HSPA12A: variants seen among roughly 807,000 people sequenced by gnomAD.
The protein encoded by HSPA12A is heat shock 70 kDa protein 12A.
HSPA12A carries 28 observed loss-of-function variants against 69.2 expected under a neutral mutation model. The ratio of observed to expected loss-of-function variants is 0.40; its 90% CI spans 0.30 to 0.55. HSPA12A has a LOEUF of 0.55. Ranked by LOEUF, HSPA12A falls within the 20% of genes least tolerant of loss-of-function variation. The pLI, the probability that HSPA12A is intolerant of heterozygous loss-of-function variation, is 0.38. For synonymous variants in HSPA12A, 345 were observed against 370.5 expected (o/e 0.93, Z 0.79); for missense variants, 686 against 900.7 (o/e 0.76, Z 3.05).
At chr10:116,836,685 T>C (rs895520055) in intron 1 of HSPA12A, among the ~76,000 whole-genome samples, 35 of 152,096 alleles carry the variant, frequency 2.3e-4, no homozygotes, top group African/African-American at 8.2e-4. Context: ...AAATTTTTGG[T>C]GTGACTGGTG....
chr10:116,821,076 A>C (rs1417535358), intron 2 of HSPA12A, among the ~76,000 whole-genome samples: 1 of 152,028 alleles, frequency 6.6e-6, no homozygotes, highest in African/African-American at 2.4e-5. Flanking sequence ...CTCCACCTAC[A>C]TCATCATAAT....
chr10:116,770,783 C>T (rs932639049), intron 2 of HSPA12A, among the ~76,000 whole-genome samples: 11 of 152,346 alleles, frequency 7.2e-5, no homozygotes, highest in African/African-American at 2.4e-4. Flanking sequence ...ACAAGGGGCC[C>T]AGCCTCCCCT....
At chr10:116,798,706 T>G (rs1460634861) in intron 2 of HSPA12A, among the ~76,000 whole-genome samples, 2 of 152,176 alleles carry the variant, frequency 1.3e-5, no homozygotes, top group South Asian at 2.1e-4. Flanking sequence ...ATTCATTTGT[T>G]GAACTGAAAA....
intron 2 of HSPA12A, among the ~76,000 whole-genome samples, chr10:116,807,049 G>A (rs1424543253): frequency 6.6e-6 from 1 of 152,200 alleles, no homozygotes; most frequent in African/African-American, 2.4e-5. Flanking sequence ...CGTCAGCCAA[G>A]GAATGCCTGG....
intron 2 of HSPA12A, among the ~76,000 whole-genome samples, chr10:116,805,997 G>A (rs1420627911): frequency 6.6e-6 from 1 of 152,310 alleles, no homozygotes; most frequent in Non-Finnish European, 1.5e-5. Flanking sequence ...CAACGTGAGA[G>A]ATGCATACTG....
chr10:116,741,498 G>A (rs1316706942), intron 1 of HSPA12A, among the ~76,000 whole-genome samples: 3 of 152,186 alleles, frequency 2.0e-5, no homozygotes, highest in Non-Finnish European at 4.4e-5. Flanking sequence ...CTCTCGCCGA[G>A]GCCCTGCAGG....
At chr10:116,810,967 C>CA (rs1357547503) in intron 2 of HSPA12A, among the ~76,000 whole-genome samples, 4 of 151,982 alleles carry the variant, frequency 2.6e-5, no homozygotes, top group Non-Finnish European at 5.9e-5. Context: ...TTCTATAAAC[C>CA]AAAAAACAAC....
At chr10:116,806,465 C>T (rs1027471530) in intron 2 of HSPA12A, among the ~76,000 whole-genome samples, 3 of 152,162 alleles carry the variant, frequency 2.0e-5, no homozygotes, top group African/African-American at 7.2e-5. Flanking sequence ...CCTCGGCCTC[C>T]CAAAGTGCTG....
chr10:116,805,210 G>T (rs1161160861), intron 2 of HSPA12A, among the ~76,000 whole-genome samples: 1 of 152,084 alleles, frequency 6.6e-6, no homozygotes, highest in East Asian at 1.9e-4. Context: ...CAGCTACTTG[G>T]GAGGCTGAGG....
At chr10:116,818,011 C>T (rs1019204457) in intron 2 of HSPA12A, among the ~76,000 whole-genome samples, 1 of 152,188 alleles carries the variant, frequency 6.6e-6, no homozygotes, top group Non-Finnish European at 1.5e-5. Flanking sequence ...TCCAGGGTCT[C>T]TGCCCTGAGT....
upstream of HSPA12A, among the ~76,000 whole-genome samples, chr10:116,747,288 G>A (rs1851669623): frequency 6.6e-6 from 1 of 152,198 alleles, no homozygotes; most frequent in African/African-American, 2.4e-5. Flanking sequence ...ACTCAGGACT[G>A]CAATGTAAAC....
At chr10:116,682,835 G>A (rs1564775064) in intron 7 of HSPA12A, among the ~76,000 whole-genome samples, 2 of 151,480 alleles carry the variant, frequency 1.3e-5, no homozygotes, top group Non-Finnish European at 2.9e-5. Context: ...CAAGTAGCTG[G>A]GACTACAGGC....
At chr10:116,756,538 G>A (rs80225795) in intron 2 of HSPA12A, among the ~76,000 whole-genome samples, 1,993 of 152,322 alleles carry the variant, frequency 0.013, 16 homozygotes, top group Middle Eastern at 0.048. Context: ...CTTGGCACAC[G>A]GGCACCCTCT....
intron 2 of HSPA12A, among the ~76,000 whole-genome samples, chr10:116,812,472 A>T (rs1004344294): frequency 2.0e-5 from 3 of 151,468 alleles, no homozygotes; most frequent in African/African-American, 7.3e-5. Flanking sequence ...ATAAAATAAA[A>T]TAAATAAAAT....
upstream of HSPA12A, among the ~76,000 whole-genome samples, chr10:116,745,244 G>T (rs967867607): frequency 1.3e-5 from 2 of 152,224 alleles, no homozygotes; most frequent in Admixed American, 1.3e-4. Flanking sequence ...ATAAATCCTT[G>T]ATGCTTGACT....
chr10:116,678,348 C>CAAAAAAAAAAA (rs55780024), intron 10 of HSPA12A, among the ~76,000 whole-genome samples: 4 of 59,380 alleles, frequency 6.7e-5, no homozygotes, highest in Non-Finnish European at 8.4e-5. Context: ...TGCCAACTTG[C>CAAAAAAAAAAA]AAAAAAAAAA....
intron 4 of HSPA12A, 41 bp from the exon 5 acceptor site, chr10:116,698,780 G>C (rs1287805657): frequency 6.7e-7 from 1 of 1,483,434 alleles, no homozygotes; most frequent in Non-Finnish European, 9.4e-7. Context: ...AGATGACACA[G>C]GAGAAACATG....
chr10:116,820,213 A>T (rs935388349), intron 2 of HSPA12A, among the ~76,000 whole-genome samples: 1 of 152,134 alleles, frequency 6.6e-6, no homozygotes, highest in Admixed American at 6.5e-5. Flanking sequence ...AAAATATTTT[A>T]AAAAATTAAA....
In HSPA12A at chr10:116,710,903, A is replaced by G. The variant is rs1306781921; in HGVS notation, c.41-3618T>C. ...AATGATGCTCAAAAATTCTCAGGGGAAAAAAAACGGAAAAGCCTATCTCAC... is the reference window on the plus strand; with the variant it reads ...AATGATGCTCAAAAATTCTCAGGGGGAAAAAAACGGAAAAGCCTATCTCAC... On this transcript the variant is annotated intron_variant, in intron 1 of 11. Coordinates refer to ENST00000369209, the MANE Select transcript of HSPA12A (RefSeq NM_025015.3). The surrounding 1 kb of genome is among the most constrained non-coding windows in gnomAD (Gnocchi z 4.1). Among the ~76,000 whole-genome samples, 4 of 152,158 alleles carry G rather than the reference A, an allele frequency of 2.6e-5. No homozygotes were observed. Among genetic ancestry groups the G allele is most frequent in the African/African-American group, 9.6e-5 (4 of 41,488 alleles).
Sources: gnomAD v4.1 joint callset for allele counts (sites outside exome capture counted in the v4.1 genomes callset) on GRCh38, gnomAD v4.1.1 for gene constraint, Gnocchi (gnomAD v3.1) non-coding constraint, MANE v1.5 for transcripts, NCBI Gene and HGNC (gene_info 2026-07-23, HGNC 2026-07-21) for gene names.